Variants in IFT52 observed in about 807,000 individuals in gnomAD.
IFT52 encodes intraflagellar transport protein 52 homolog.
In IFT52, 44 loss-of-function variants were observed where a neutral mutation model predicts 54.4. The observed-to-expected ratio is 0.81, with a 90% CI of 0.63 to 1.04. The LOEUF is 1.04. Ranked by LOEUF, IFT52 falls within the 50% of genes least tolerant of loss-of-function variation. The probability of loss-of-function intolerance (pLI) is 0.00; values close to 1 mark genes in which losing one functional copy is unlikely to be tolerated. For synonymous variants in IFT52, 181 were observed against 185.3 expected (o/e 0.98, Z 0.19); for missense variants, 452 against 523.6 (o/e 0.86, Z 1.33).
chr20:43,641,412 A>T (rs1425599504), intron 12 of IFT52, among the ~76,000 whole-genome samples: 1 of 148,092 alleles, frequency 6.8e-6, no homozygotes, highest in East Asian at 2.0e-4. Context: ...CTAATTTTGT[A>T]TTTTTAGTAG....
At position 43,643,312 on chromosome 20, in the gene IFT52, T is replaced by G. The variant is rs1392146516; in HGVS notation, c.1266+688T>G. Among the ~76,000 whole-genome samples the G allele has an allele frequency of 4.9e-5, 2 of 41,200 alleles. 1 individual carries two copies. Among genetic ancestry groups the G allele is most frequent in the Non-Finnish European group, 1.1e-4 (2 of 17,542 alleles). The allele number at this position is 41,200 out of a possible 152,430, so 27.0% of individuals were successfully genotyped here. A position where few individuals can be genotyped will look rare whatever the true frequency, so the allele number is the denominator to read the frequency against. ...ACCAGCCTGGCGAACATGGTGAAAC[T>G]CCATCTCTACTAAAAATATAAAAAT... On this transcript the variant is annotated intron_variant, in intron 13 of 13. Transcript: ENST00000373030.
chr20:43,643,926 C>T (rs1986080498), intron 13 of IFT52, among the ~76,000 whole-genome samples: 1 of 57,164 alleles, frequency 1.7e-5, no homozygotes, highest in Non-Finnish European at 4.2e-5. Context: ...TGGTGAAACC[C>T]CATCTCTACT....
intron 12 of IFT52, among the ~76,000 whole-genome samples, chr20:43,640,489 CA>C (rs1285201490): frequency 6.6e-6 from 1 of 151,916 alleles, no homozygotes; most frequent in African/African-American, 2.4e-5. Flanking sequence ...AAAAAAAATG[CA>C]GGGCATAAAC....
intron 8 of IFT52, 43 bp downstream of exon 8, chr20:43,619,069 T>C: frequency 7.5e-7 from 1 of 1,327,866 alleles, no homozygotes; most frequent in Non-Finnish European, 1.1e-6. Flanking sequence ...ATGTGTATTA[T>C]TTTCATGTCA....
At chr20:43,610,805 G>A (rs1026958585) in intron 6 of IFT52, among the ~76,000 whole-genome samples, 1 of 152,144 alleles carries the variant, frequency 6.6e-6, no homozygotes, top group Non-Finnish European at 1.5e-5. Flanking sequence ...TATCCAACTG[G>A]TATAGGTAAA....
chr20:43,621,158 T>C (rs1474189693), intron 9 of IFT52: 1 of 336,196 alleles, frequency 3.0e-6, no homozygotes, highest in African/African-American at 2.1e-5. Context: ...ATACAGTATG[T>C]ATATAAATTA....
chr20:43,615,229 A>T (rs1461678600), intron 7 of IFT52, among the ~76,000 whole-genome samples: 1 of 151,706 alleles, frequency 6.6e-6, no homozygotes, highest in Non-Finnish European at 1.5e-5. Context: ...TTTAATAGAG[A>T]TGGGGATTTA....
At chr20:43,608,761 G>T (rs907947674) in intron 6 of IFT52, among the ~76,000 whole-genome samples, 2 of 151,876 alleles carry the variant, frequency 1.3e-5, no homozygotes, top group African/African-American at 4.8e-5. Flanking sequence ...CAAAAATTTA[G>T]CCGGTCGTTG....
In IFT52 at chr20:43,596,511, A is replaced by G. The variant is rs1981972146; in HGVS notation, c.196A>G (p.Thr66Ala). ...WITAGPREKF[T>A]AAEFEILKKY... ...TACAGCTGGGCCAAGGGAAAAATTT[A>G]CTGCAGCTGAGGTAAGAAATATCCA... is the stretch of plus-strand genomic sequence containing the variant. Residue 66 changes from threonine to alanine, a missense_variant, in exon 3 of 14, where the codon ACT becomes GCT. Coordinates refer to ENST00000373030, the MANE Select transcript of IFT52 (RefSeq NM_016004.5). 6.3e-7 allele frequency: 1 copy of G among 1,595,566 alleles called. No homozygotes were observed. Among genetic ancestry groups the G allele is most frequent in the South Asian group, 1.1e-5 (1 of 90,266 alleles).
chr20:43,591,345 C>G (rs1400117230), intron 1 of IFT52, among the ~76,000 whole-genome samples: 1 of 152,214 alleles, frequency 6.6e-6, no homozygotes. Context: ...GCTGCGACCC[C>G]TCGGTATTCA....
intron 9 of IFT52, among the ~76,000 whole-genome samples, chr20:43,623,322 C>T (rs1229792598): frequency 6.6e-6 from 1 of 152,084 alleles, no homozygotes; most frequent in African/African-American, 2.4e-5. Context: ...ATAGCTGAGA[C>T]TACAGGCACA....
At position 43,605,023 on chromosome 20, in the gene IFT52, A is replaced by C. The variant is rs1982744794; in HGVS notation, c.435A>C (p.Gly145=). 1 of 1,613,692 alleles carries C rather than the reference A, an allele frequency of 6.2e-7. No individual in the cohort carries two copies. The highest frequency in any genetic ancestry group is 8.5e-7 in the Non-Finnish European group (1 of 1,179,812). ...CAAGGGAAATTAGCCGAGCTGCAGG[A>C]AAGGCTGTGCCTGGGATCATTGATG... ...VLNREISRAA[G]KAVPGIIDEE... is the part of the protein sequence containing the mutation. Residue 145 remains glycine (G), a synonymous_variant, in exon 6 of 14, where the codon GGA becomes GGC. Transcript: ENST00000373030.
At chr20:43,600,091 A>C (rs1486733473) in intron 3 of IFT52, among the ~76,000 whole-genome samples, 1 of 152,228 alleles carries the variant, frequency 6.6e-6, no homozygotes, top group Non-Finnish European at 1.5e-5. Context: ...TACATATTTC[A>C]GTTTGTTAAT....
chr20:43,622,187 T>G (rs536515198), intron 9 of IFT52, among the ~76,000 whole-genome samples: 80 of 152,330 alleles, frequency 5.3e-4, no homozygotes, highest in Non-Finnish European at 1.0e-3. Context: ...ACTAGGGACA[T>G]GGCTTCTCAG....
At chr20:43,614,302 T>C (rs1983688628) in intron 7 of IFT52, among the ~76,000 whole-genome samples, 1 of 151,690 alleles carries the variant, frequency 6.6e-6, no homozygotes, top group African/African-American at 2.4e-5. Context: ...TGGTGCAATC[T>C]CGGCTCACTG....
chr20:43,637,091 T>C, intron 11 of IFT52, 54 bp from the exon 12 acceptor site: 1 of 1,233,338 alleles, frequency 8.1e-7, no homozygotes, highest in Non-Finnish European at 1.2e-6. Flanking sequence ...AGAGACTTTA[T>C]TTCCTTTACC....
chr20:43,615,774 T>C (rs1296066428), intron 7 of IFT52, among the ~76,000 whole-genome samples: 1 of 152,118 alleles, frequency 6.6e-6, no homozygotes, highest in Non-Finnish European at 1.5e-5. Context: ...CCCTCTCTAC[T>C]AAAATTACAA....
chr20:43,600,482 T>G (rs914985686), intron 3 of IFT52, among the ~76,000 whole-genome samples: 3 of 151,910 alleles, frequency 2.0e-5, no homozygotes, highest in African/African-American at 7.3e-5. Context: ...TTTTTTGTAT[T>G]TTTAGTAGAG....
chr20:43,617,851 C>T (rs1983976979), intron 7 of IFT52, among the ~76,000 whole-genome samples: 1 of 152,158 alleles, frequency 6.6e-6, no homozygotes, highest in African/African-American at 2.4e-5. Context: ...AAGCAATCCT[C>T]CCGCCACAGC....
Sources: gnomAD v4.1 joint callset for allele counts (sites outside exome capture counted in the v4.1 genomes callset) on GRCh38, gnomAD v4.1.1 for gene constraint, MANE v1.5 for transcripts, NCBI Gene and HGNC (gene_info 2026-07-23, HGNC 2026-07-21) for gene names.